The following YWHAZ variants were observed in gnomAD, a reference collection of about 807,000 sequenced individuals.
YWHAZ encodes 14-3-3 protein zeta/delta.
For synonymous variants in YWHAZ, 87 were observed against 103.6 expected (o/e 0.84, Z 0.97); for missense variants, 79 against 284.8 (o/e 0.28, Z 5.20).
upstream of YWHAZ, chr8:100,952,713 G>A: frequency 1.1e-6 from 1 of 878,582 alleles, no homozygotes; most frequent in East Asian, 1.2e-4. Flanking sequence ...CGGGGCGGGG[G>A]CAGGGCGCGG....
intron 2 of YWHAZ, among the ~76,000 whole-genome samples, chr8:100,939,624 A>C (rs1322171320): frequency 6.6e-6 from 1 of 151,974 alleles, no homozygotes; most frequent in Non-Finnish European, 1.5e-5. Context: ...ACGCCATTGC[A>C]CTCCAGCCTG....
chr8:100,952,798 C>T (rs902006995), upstream of YWHAZ: 5 of 1,000,036 alleles, frequency 5.0e-6, no homozygotes, highest in African/African-American at 8.7e-5. Flanking sequence ...CCGGCTGGGC[C>T]GACCGGGGCG....
rs1020501674 is a variant in YWHAZ, at chr8:100,922,916, C to G, written c.678+1039G>C. Reference sequence around the variant, plus strand: ...TTATGTTTGATATATAAGATTCTTTCATTCTTTACTGTGGCTTGTTATCTT... The same window carrying G: ...TTATGTTTGATATATAAGATTCTTTGATTCTTTACTGTGGCTTGTTATCTT... On this transcript the variant is annotated intron_variant, in intron 5 of 5. Coordinates refer to ENST00000395958, the MANE Select transcript of YWHAZ (RefSeq NM_145690.3). This position sits in a 1 kb window ranked among gnomAD's most constrained non-coding sequence, Gnocchi z 4.1. The G allele has an allele frequency of 6.6e-6, 1 of 152,160 alleles. No homozygotes were observed. Among genetic ancestry groups the G allele is most frequent in the African/African-American group, 2.4e-5 (1 of 41,420 alleles). 9.4% of individuals were successfully genotyped at this position (152,160 alleles called of 1,614,324 possible).
At chr8:100,926,167 G>A (rs1225929996) in intron 2 of YWHAZ, among the ~76,000 whole-genome samples, 1 of 151,176 alleles carries the variant, frequency 6.6e-6, no homozygotes, top group Non-Finnish European at 1.5e-5. Context: ...TGCTGGGTAG[G>A]TGAACAGTTT....
chr8:100,932,300 C>T (rs1466161094), intron 2 of YWHAZ, among the ~76,000 whole-genome samples: 1 of 152,070 alleles, frequency 6.6e-6, no homozygotes, highest in Admixed American at 6.6e-5. Context: ...CTTAACCCAC[C>T]CACTCACCCA....
chr8:100,923,897 G>T, intron 5 of YWHAZ, 58 bp downstream of exon 5: 1 of 1,414,532 alleles, frequency 7.1e-7, no homozygotes, highest in Non-Finnish European at 9.5e-7. Flanking sequence ...AAATTCCCTA[G>T]AGTAAAACAT....
chr8:100,946,813 A>G (rs1026084769), intron 2 of YWHAZ, among the ~76,000 whole-genome samples: 7 of 151,898 alleles, frequency 4.6e-5, no homozygotes, highest in African/African-American at 1.5e-4. Flanking sequence ...ATCAGGTGTA[A>G]TAATTGGGAA....
chr8:100,928,075 C>G (rs1389346786), intron 2 of YWHAZ, among the ~76,000 whole-genome samples: 1 of 152,056 alleles, frequency 6.6e-6, no homozygotes, highest in Non-Finnish European at 1.5e-5. Context: ...GTCAGGAGAT[C>G]GAGGCCATCC....
At chr8:100,926,663 GA>G (rs1813386093) in intron 2 of YWHAZ, among the ~76,000 whole-genome samples, 1 of 152,128 alleles carries the variant, frequency 6.6e-6, no homozygotes, top group Non-Finnish European at 1.5e-5. Context: ...GAAATCAGAA[GA>G]ACGTTTTGGT....
At chr8:100,944,307 T>C (rs946976420) in intron 2 of YWHAZ, among the ~76,000 whole-genome samples, 4 of 152,200 alleles carry the variant, frequency 2.6e-5, no homozygotes, top group African/African-American at 9.6e-5. Flanking sequence ...TGCTTTCTTA[T>C]TTCTGTTTAA....
rs1277297123 is a variant in YWHAZ at position 100,948,109 on chromosome 8, A to C, written c.294+487T>G. Reference sequence around the variant, plus strand: ...AATTCAATGCAGGAAGAGGTTTCATAGTTGTGACGCCAGAGTTTTCTGCAT... The same window carrying C: ...AATTCAATGCAGGAAGAGGTTTCATCGTTGTGACGCCAGAGTTTTCTGCAT... On this transcript the variant is annotated intron_variant, in intron 2 of 5. Transcript: ENST00000395958. The surrounding 1 kb of genome is among the most constrained non-coding windows in gnomAD (Gnocchi z 4.2). The C allele has an allele frequency of 3.9e-6, 6 of 1,535,036 alleles. No homozygotes were observed. The South Asian group carries it at 7.1e-5, about 18-fold the overall frequency.
At position 100,924,111 on chromosome 8, in the gene YWHAZ, C is replaced by G; in HGVS notation, c.582+24G>C. On this transcript the variant is annotated intron_variant, in intron 4 of 5. Transcript: ENST00000395958. The surrounding 1 kb of genome is among the most constrained non-coding windows in gnomAD (Gnocchi z 5.7). ...TCAAATAATAAAGACTGCTAAATTT[C>G]TACGTAACAGGTAAAATACATACTG... The G allele has an allele frequency of 6.2e-7, 1 of 1,608,484 alleles. No homozygotes were observed. The highest frequency in any genetic ancestry group is 2.2e-5 in the East Asian group (1 of 44,840).
chr8:100,941,959 AT>A (rs1299892119), intron 2 of YWHAZ, among the ~76,000 whole-genome samples: 1 of 152,216 alleles, frequency 6.6e-6, no homozygotes, highest in Non-Finnish European at 1.5e-5. Context: ...AGGCCAACCC[AT>A]TAAGCAAATC....
Position 100,948,909 on chromosome 8 carries a change from G to T in YWHAZ, c.-11-9C>A, listed in dbSNP as rs755342292. The stretch of plus-strand genomic sequence containing the variant: ...ATCCATGACTGGATGTTCTGCAGGG[G>T]GGAAAAAAGGAGTATTTAAAATTTT... On this transcript the variant is annotated splice_polypyrimidine_tract_variant and intron_variant, in intron 1 of 5. Coordinates refer to ENST00000395958, the MANE Select transcript of YWHAZ (RefSeq NM_145690.3). This position sits in a 1 kb window ranked among gnomAD's most constrained non-coding sequence, Gnocchi z 4.2. The T allele has an allele frequency of 1.9e-5, 30 of 1,551,246 alleles. 1 individual carries two copies. The highest frequency in any genetic ancestry group is 1.8e-4 in the South Asian group (15 of 84,540).
chr8:100,934,759 A>G (rs940478325), intron 2 of YWHAZ: 1 of 152,184 alleles, frequency 6.6e-6, no homozygotes, highest in African/African-American at 2.4e-5. Context: ...GTTTTGTACA[A>G]TTTACCAAAC....
intron 2 of YWHAZ, among the ~76,000 whole-genome samples, chr8:100,932,861 G>A (rs747215111): frequency 7.2e-5 from 11 of 151,918 alleles, no homozygotes; most frequent in Non-Finnish European, 1.0e-4. Context: ...CAGATTCAAG[G>A]ACATTAAAAA....
At chr8:100,929,905 G>C (rs1813645286) in intron 2 of YWHAZ, among the ~76,000 whole-genome samples, 1 of 152,064 alleles carries the variant, frequency 6.6e-6, no homozygotes, top group Non-Finnish European at 1.5e-5. Flanking sequence ...GAATGGAAGG[G>C]AGGAAAGGGC....
intron 2 of YWHAZ, among the ~76,000 whole-genome samples, chr8:100,938,172 C>T (rs986483868): frequency 1.3e-5 from 2 of 152,074 alleles, no homozygotes; most frequent in Non-Finnish European, 2.9e-5. Context: ...AAATTAAAGC[C>T]ACTTATTTTG....
chr8:100,927,259 A>G (rs1813427513), intron 2 of YWHAZ, among the ~76,000 whole-genome samples: 1 of 152,116 alleles, frequency 6.6e-6, no homozygotes, highest in South Asian at 2.1e-4. Context: ...ACGGTGGCTC[A>G]CTCCTGTAAT....
Sources: allele counts gnomAD v4.1 joint callset (sites outside exome capture counted in the v4.1 genomes callset), GRCh38; gene constraint gnomAD v4.1.1; non-coding constraint Gnocchi (gnomAD v3.1); transcripts MANE v1.5; gene names NCBI Gene and HGNC (gene_info 2026-07-23, HGNC 2026-07-21).